Variants in EWSR1 observed in about 807,000 individuals in gnomAD.
The protein encoded by EWSR1 is EWS RNA binding protein 1.
A neutral mutation model predicts 92.1 loss-of-function variants in EWSR1; 14 were observed. That is an observed-to-expected ratio of 0.15 (90% CI 0.10 to 0.24). The LOEUF (loss-of-function observed/expected upper bound fraction) is 0.24. Ranked by LOEUF, EWSR1 falls within the 10% of genes least tolerant of loss-of-function variation. The pLI, the probability that EWSR1 is intolerant of heterozygous loss-of-function variation, is 1.00. For synonymous variants in EWSR1, 303 were observed against 292.9 expected, an observed-to-expected ratio of 1.03 and a Z score of -0.35; for missense variants, 637 against 870.9, an observed-to-expected ratio of 0.73 and a Z score of 3.38.
At chr22:29,299,526 GCAGCTTCCA>G (rs1463179894) in intron 15 of EWSR1, 64 bp from the exon 16 acceptor site, 31 of 1,511,054 alleles carry the variant, frequency 2.1e-5, no homozygotes, top group Non-Finnish European at 2.6e-5. Flanking sequence ...AGGAAGCAGA[GCAGCTTCCA>G]CAGTGTCCAC....
At chr22:29,273,097 C>T (rs1233028805) in intron 3 of EWSR1, among the ~76,000 whole-genome samples, 1 of 152,154 alleles carries the variant, frequency 6.6e-6, no homozygotes, top group Non-Finnish European at 1.5e-5. Flanking sequence ...AATAATCATG[C>T]TAATATCTGA....
chr22:29,276,113 T>A (rs188375489), intron 4 of EWSR1: 5 of 232,074 alleles, frequency 2.2e-5, no homozygotes, highest in African/African-American at 8.8e-5. Flanking sequence ...CATGAGTTAT[T>A]GCCCTGATCA....
chr22:29,271,517 A>C (rs1013127431), intron 1 of EWSR1, among the ~76,000 whole-genome samples: 5 of 152,138 alleles, frequency 3.3e-5, no homozygotes, highest in African/African-American at 1.2e-4. Context: ...GTGTTACCAA[A>C]TTTTTCCCAG....
intron 2 of EWSR1, 24 bp downstream of exon 2, chr22:29,272,276 A>G (rs1045462749): frequency 4.6e-5 from 74 of 1,613,808 alleles, no homozygotes; most frequent in Non-Finnish European, 6.0e-5. Flanking sequence ...TTATAACCGT[A>G]TTTTGTGTGT....
chr22:29,295,998 A>G (rs1019750547), intron 11 of EWSR1: 17 of 382,428 alleles, frequency 4.4e-5, no homozygotes, highest in Non-Finnish European at 1.9e-5. Context: ...GAAGATGGCT[A>G]AGGCAGGAGT....
At chr22:29,286,841 A>C (rs775693206) in intron 6 of EWSR1, 82 bp from the exon 7 acceptor site, 129 of 1,019,824 alleles carry the variant, frequency 1.3e-4, no homozygotes, top group Non-Finnish European at 1.8e-4. Context: ...CATGGTGTGA[A>C]TGTCTCTTTT....
At chr22:29,287,352 C>G (rs949062000) in intron 7 of EWSR1, among the ~76,000 whole-genome samples, 1 of 152,136 alleles carries the variant, frequency 6.6e-6, no homozygotes, top group South Asian at 2.1e-4. Context: ...AGATGATAGG[C>G]GCCTGCCACT....
intron 3 of EWSR1, among the ~76,000 whole-genome samples, chr22:29,273,220 T>C (rs542549452): frequency 6.6e-6 from 1 of 152,350 alleles, no homozygotes; most frequent in African/African-American, 2.4e-5. Context: ...TTCATTTTCT[T>C]TGAAGTGGTA....
At chr22:29,296,600 C>T (rs1485643719) in intron 12 of EWSR1, among the ~76,000 whole-genome samples, 1 of 152,188 alleles carries the variant, frequency 6.6e-6, no homozygotes, top group African/African-American at 2.4e-5. Context: ...CAAACACTTC[C>T]TAAGCACAGA....
In EWSR1 at chr22:29,300,296, T is replaced by C; in HGVS notation, c.*135T>C. ...ATTCCTTGTCTGTACTTTAGTATTT[T>C]TCACCATTTGTGAAGAAACATTAAA... On this transcript the variant is annotated 3_prime_UTR_variant, in exon 17 of 17. Transcript: ENST00000397938. 1.2e-6 allele frequency: 1 copy of C among 868,798 alleles called. No homozygotes were observed. The highest frequency in any genetic ancestry group is 2.8e-5 in the Admixed American group (1 of 35,192). The allele number at this position is 868,798 out of a possible 1,614,324, so 53.8% of individuals were successfully genotyped here. A position where few individuals can be genotyped will look rare whatever the true frequency, so the allele number is the denominator to read the frequency against.
chr22:29,296,324 A>G lies in EWSR1; in HGVS notation c.1250A>G (p.Tyr417Cys), dbSNP rs1306737952. 2 of 1,614,218 alleles carry G rather than the reference A, an allele frequency of 1.2e-6. No individual in the cohort carries two copies. Among genetic ancestry groups the G allele is most frequent in the East Asian group, 2.2e-5 (1 of 44,892 alleles). The change falls in exon 12 of 17, where the codon TAT becomes TGT. Residue 417 changes from tyrosine to cysteine, a missense_variant. Physicochemically the swap from Tyr to Cys is radical, Grantham distance 194. This residue lies in a region of EWSR1 where 363 missense variants were observed against 447.8 expected (regional missense o/e 0.81). Coordinates refer to ENST00000397938, the MANE Select transcript of EWSR1 (RefSeq NM_005243.4). ...CCCAAAGGCGATGCCACAGTGTCCT[A>G]TGAAGACCCACCCACTGCCAAGGCT... ...GKPKGDATVS[Y>C]EDPPTAKAAV...
intron 4 of EWSR1, chr22:29,277,820 G>GA: frequency 1.9e-6 from 1 of 537,976 alleles, no homozygotes; most frequent in Non-Finnish European, 3.3e-6. Flanking sequence ...TAGAGCAAAT[G>GA]AGACAGTTAC....
chr22:29,290,148 G>A (rs2060341278), intron 8 of EWSR1: 1 of 320,660 alleles, frequency 3.1e-6, no homozygotes, highest in African/African-American at 2.1e-5. Context: ...AGTCTCTCTT[G>A]CAGCCATAGA....
intron 6 of EWSR1, among the ~76,000 whole-genome samples, chr22:29,284,702 C>G (rs1233232199): frequency 1.3e-5 from 2 of 151,194 alleles, no homozygotes; most frequent in South Asian, 2.1e-4. Context: ...GTCGTAGCCC[C>G]CTGTAGCCTC....
intron 13 of EWSR1, among the ~76,000 whole-genome samples, chr22:29,298,217 G>GA (rs1391934165): frequency 6.6e-6 from 1 of 152,170 alleles, no homozygotes; most frequent in Non-Finnish European, 1.5e-5. Flanking sequence ...CAGAATTGTG[G>GA]GAGTTCAGCC....
intron 1 of EWSR1, among the ~76,000 whole-genome samples, chr22:29,271,970 T>A (rs575266772): frequency 6.6e-6 from 1 of 152,340 alleles, no homozygotes; most frequent in South Asian, 2.1e-4. Context: ...ACATAAAAAG[T>A]ATACCTGCCA....
At position 29,291,570 on chromosome 22, in the gene EWSR1, G is replaced by C. The variant is rs766375927; in HGVS notation, c.983G>C (p.Gly328Ala). The C allele has an allele frequency of 9.3e-6, 15 of 1,613,756 alleles. No individual in the cohort carries two copies. Among genetic ancestry groups the C allele is most frequent in the Non-Finnish European group, 1.2e-5 (14 of 1,179,938 alleles). ...GGGRGGMGSAGERGGFNKPGG... is the reference protein window; with the variant it reads ...GGGRGGMGSAAERGGFNKPGG... ...TTCGTTTATCCCCCCAGCAGCGCTGGAGAGCGAGGTGGCTTCAATAAGCCT... is the reference window on the plus strand; with the variant it reads ...TTCGTTTATCCCCCCAGCAGCGCTGCAGAGCGAGGTGGCTTCAATAAGCCT... The change falls in exon 9 of 17, where the codon GGA (glycine) becomes GCA (alanine). Residue 328 changes from glycine to alanine, a missense_variant. This residue lies in a region of EWSR1 where 8 missense variants were observed against 36.1 expected (regional missense o/e 0.22). Coordinates refer to ENST00000397938, the MANE Select transcript of EWSR1 (RefSeq NM_005243.4).
intron 4 of EWSR1, 66 bp downstream of exon 4, chr22:29,273,930 G>C: frequency 1.3e-6 from 2 of 1,594,530 alleles, no homozygotes; most frequent in African/African-American, 1.3e-5. Context: ...AAGCTTATTA[G>C]TCATGCTTTC....
At chr22:29,275,881 A>G in intron 4 of EWSR1, 1 of 230,584 alleles carries the variant, frequency 4.3e-6, no homozygotes. Flanking sequence ...TTGTCAGCAC[A>G]TAGTAGGTGT....
Sources: allele counts gnomAD v4.1 joint callset (sites outside exome capture counted in the v4.1 genomes callset), GRCh38; gene constraint gnomAD v4.1.1; regional missense constraint gnomAD v4.1.1; transcripts MANE v1.5; gene names NCBI Gene and HGNC (gene_info 2026-07-23, HGNC 2026-07-21).